The following PRKG1 variants were observed in gnomAD, a reference collection of about 807,000 sequenced individuals.
PRKG1 encodes cGMP-dependent protein kinase 1.
PRKG1 carries 35 observed loss-of-function variants against 88.1 expected under a neutral mutation model. The observed-to-expected ratio is 0.40, with a 90% CI of 0.30 to 0.53. The LOEUF is 0.53. Ranked by LOEUF, PRKG1 falls within the 20% of genes least tolerant of loss-of-function variation. PRKG1 has a pLI of 0.59. For missense variants in PRKG1, 540 were observed against 839.8 expected (o/e 0.64, Z 4.41); for synonymous variants, 303 against 292.5 (o/e 1.04, Z -0.37).
At chr10:51,089,703 A>G (rs1222457486) in intron 1 of PRKG1, among the ~76,000 whole-genome samples, 2 of 152,242 alleles carry the variant, frequency 1.3e-5, no homozygotes, top group Admixed American at 6.5e-5. Context: ...TTCATTGGCT[A>G]GAAAAATAAA....
chr10:52,265,165 T>G (rs957739532), intron 10 of PRKG1, among the ~76,000 whole-genome samples: 10 of 152,092 alleles, frequency 6.6e-5, no homozygotes, highest in African/African-American at 2.4e-4. Context: ...CCCAGTGAGA[T>G]TATATGACTT....
intron 7 of PRKG1, among the ~76,000 whole-genome samples, chr10:52,067,421 C>T (rs1456443668): frequency 6.6e-6 from 1 of 152,110 alleles, no homozygotes; most frequent in East Asian, 1.9e-4. Flanking sequence ...TTTGAGAGTG[C>T]ATAAATACTA....
intron 2 of PRKG1, among the ~76,000 whole-genome samples, chr10:51,218,648 C>T (rs1335584454): frequency 1.3e-5 from 2 of 149,838 alleles, no homozygotes; most frequent in Non-Finnish European, 3.0e-5. Flanking sequence ...ATATAAACAC[C>T]AATGCATAGA....
At chr10:51,049,883 C>T (rs183934751) in intron 1 of PRKG1, among the ~76,000 whole-genome samples, 2 of 152,198 alleles carry the variant, frequency 1.3e-5, no homozygotes, top group Admixed American at 1.3e-4. Flanking sequence ...ATATGCATGG[C>T]ATGGGTATTC....
chr10:52,096,759 T>C (rs1847182549), intron 7 of PRKG1, among the ~76,000 whole-genome samples: 1 of 152,158 alleles, frequency 6.6e-6, no homozygotes, highest in Non-Finnish European at 1.5e-5. Flanking sequence ...AATTTTTTGT[T>C]TTAAAATTGA....
chr10:52,080,726 C>T (rs1004915528), intron 7 of PRKG1, among the ~76,000 whole-genome samples: 1 of 151,840 alleles, frequency 6.6e-6, no homozygotes, highest in Admixed American at 6.6e-5. Context: ...TTATTTTCTC[C>T]TTTTTTTATT....
chr10:51,158,566 T>A (rs1846275238), intron 2 of PRKG1, among the ~76,000 whole-genome samples: 1 of 152,036 alleles, frequency 6.6e-6, no homozygotes, highest in South Asian at 2.1e-4. Flanking sequence ...TAAGTACTTC[T>A]TAGGCCTCTC....
intron 5 of PRKG1, among the ~76,000 whole-genome samples, chr10:51,953,535 G>A (rs1046870601): frequency 2.0e-5 from 3 of 152,082 alleles, no homozygotes; most frequent in Non-Finnish European, 2.9e-5. Context: ...ACTACTGACC[G>A]ATGAAAAGGA....
intron 4 of PRKG1, among the ~76,000 whole-genome samples, chr10:51,836,306 G>T (rs1840129577): frequency 6.6e-6 from 1 of 152,058 alleles, no homozygotes; most frequent in African/African-American, 2.4e-5. Flanking sequence ...AAATGGTATT[G>T]GGAAAACCAT....
chr10:51,363,010 A>C (rs1200775808), intron 2 of PRKG1, among the ~76,000 whole-genome samples: 1 of 151,922 alleles, frequency 6.6e-6, no homozygotes, highest in Non-Finnish European at 1.5e-5. Flanking sequence ...GTCACCTTCC[A>C]GAATTACCTG....
intron 5 of PRKG1, among the ~76,000 whole-genome samples, chr10:51,912,480 T>C (rs1434556434): frequency 3.3e-5 from 5 of 152,074 alleles, no homozygotes. Context: ...GGGTGGATGG[T>C]TTGCATGTGG....
chr10:50,998,859 T>C (rs1842860427), intron 1 of PRKG1, among the ~76,000 whole-genome samples: 1 of 152,242 alleles, frequency 6.6e-6, no homozygotes, highest in Admixed American at 6.5e-5. Flanking sequence ...TGTTTTATTA[T>C]ATAATGACTG....
At chr10:51,995,322 A>G (rs1292984914) in intron 5 of PRKG1, among the ~76,000 whole-genome samples, 5 of 152,164 alleles carry the variant, frequency 3.3e-5, no homozygotes, top group East Asian at 1.9e-4. Flanking sequence ...GTAATGTACA[A>G]TCATGCAGTT....
intron 5 of PRKG1, among the ~76,000 whole-genome samples, chr10:52,034,428 AT>A (rs1845552905): frequency 6.7e-6 from 1 of 148,786 alleles, no homozygotes; most frequent in South Asian, 2.2e-4. Flanking sequence ...TAGAAGAAAC[AT>A]TTGTCATATA....
intron 5 of PRKG1, among the ~76,000 whole-genome samples, chr10:52,017,565 T>C (rs1845072390): frequency 6.6e-6 from 1 of 152,118 alleles, no homozygotes; most frequent in East Asian, 1.9e-4. Context: ...AGATGGTAGG[T>C]ACCATTACTG....
intron 9 of PRKG1, among the ~76,000 whole-genome samples, chr10:52,192,958 T>C (rs2132757877): frequency 6.6e-6 from 1 of 152,232 alleles, no homozygotes; most frequent in African/African-American, 2.4e-5. Context: ...TTAATTTTCG[T>C]CTTTGTTAAG....
chr10:51,186,238 T>C (rs1186998650), intron 2 of PRKG1, among the ~76,000 whole-genome samples: 1 of 151,916 alleles, frequency 6.6e-6, no homozygotes, highest in African/African-American at 2.4e-5. Flanking sequence ...TCATTTTCTC[T>C]CTTATGCTTC....
intron 9 of PRKG1, among the ~76,000 whole-genome samples, chr10:52,248,911 T>G (rs868533896): frequency 6.6e-6 from 1 of 151,732 alleles, no homozygotes; most frequent in Non-Finnish European, 1.5e-5. Context: ...TTCTCTTTTC[T>G]TTCCTTTCTT....
chr10:51,341,833 A>G (rs1842009920), intron 2 of PRKG1, among the ~76,000 whole-genome samples: 1 of 152,198 alleles, frequency 6.6e-6, no homozygotes, highest in African/African-American at 2.4e-5. Context: ...TCATGGCAGA[A>G]GGCAAATGAG....
Sources: gnomAD v4.1 joint callset for allele counts (sites outside exome capture counted in the v4.1 genomes callset) on GRCh38, gnomAD v4.1.1 for gene constraint, MANE v1.5 for transcripts, NCBI Gene and HGNC (gene_info 2026-07-23, HGNC 2026-07-21) for gene names.